Variants in SLC26A5 observed in about 807,000 individuals in gnomAD.
SLC26A5 encodes the protein solute carrier family 26 member 5, also known as prestin.
A neutral mutation model predicts 81.0 loss-of-function variants in SLC26A5; 51 were observed. The ratio of observed to expected loss-of-function variants is 0.63; its 90% confidence interval spans 0.50 to 0.80. The LOEUF (loss-of-function observed/expected upper bound fraction) is 0.80. Ranked by LOEUF, SLC26A5 falls within the 30% of genes least tolerant of loss-of-function variation. The pLI, the probability that SLC26A5 is intolerant of heterozygous loss-of-function variation, is 0.00. For synonymous variants in SLC26A5, 325 were observed against 332.8 expected (o/e 0.98, Z 0.25); for missense variants, 771 against 905.8 (o/e 0.85, Z 1.91).
downstream of SLC26A5, chr7:103,369,465 T>G (rs1820901049): frequency 1.3e-5 from 2 of 152,344 alleles, no homozygotes; most frequent in African/African-American, 4.8e-5. Flanking sequence ...TCGAATTAGA[T>G]AATGTTGAGC....
At chr7:103,432,821 T>C (rs1826178315) in intron 2 of SLC26A5, among the ~76,000 whole-genome samples, 1 of 152,158 alleles carries the variant, frequency 6.6e-6, no homozygotes, top group Non-Finnish European at 1.5e-5. Context: ...TCGTGATGTG[T>C]TTTTAGACAC....
In SLC26A5 at chr7:103,390,522, C is replaced by T. The variant is rs753839105; in HGVS notation, c.1234-16G>A. On this transcript the variant is annotated splice_polypyrimidine_tract_variant and intron_variant, in intron 11 of 19. Transcript: ENST00000306312. ...AACCTGCAAGCTGAATGAGAGAAGACACATGGAAGGGGCTTTTAGGAGACT... is the reference window on the plus strand; with the variant it reads ...AACCTGCAAGCTGAATGAGAGAAGATACATGGAAGGGGCTTTTAGGAGACT... The T allele has an allele frequency of 6.2e-7, 1 of 1,611,314 alleles. No individual in the cohort carries two copies. The highest frequency in any genetic ancestry group is 1.3e-5 in the African/African-American group (1 of 74,948).
intron 14 of SLC26A5, among the ~76,000 whole-genome samples, 173 bp from the exon 15 acceptor site, chr7:103,380,722 C>T (rs1477410639): frequency 1.3e-5 from 2 of 151,722 alleles, no homozygotes; most frequent in African/African-American, 4.8e-5. Flanking sequence ...CAGTGCCATT[C>T]CAAGCCTAAT....
intron 8 of SLC26A5, 50 bp from the exon 9 acceptor site, chr7:103,398,064 CT>C (rs1293987983): frequency 3.7e-6 from 5 of 1,363,902 alleles, no homozygotes; most frequent in Non-Finnish European, 5.2e-6. Context: ...TGTTCAAATA[CT>C]GCAAAAATCA....
chr7:103,369,690 A>G (rs1416507219), downstream of SLC26A5, among the ~76,000 whole-genome samples: 2 of 152,168 alleles, frequency 1.3e-5, no homozygotes, highest in Admixed American at 6.5e-5. Context: ...TCCTCCACCT[A>G]AAATAGATGT....
intron 19 of SLC26A5, chr7:103,361,812 A>G (rs900692817): frequency 1.4e-6 from 1 of 714,938 alleles, no homozygotes. Flanking sequence ...GGAGTTGGGT[A>G]TAGAAAAGGA....
At position 103,389,032 on chromosome 7, in the gene SLC26A5, A is replaced by G; in HGVS notation, c.1490T>C (p.Leu497Pro). ...CCTCTGTGTTCTGTAAATCACAGTC[A>G]GCAGAGCAATGATCACAGCAGTGAT... ...GLITAVIIAL[L>P]TVIYRTQSPS... The change falls in exon 14 of 20, where the codon CTG (leucine) becomes CCG (proline). Residue 497 changes from leucine (L) to proline (P), a missense_variant. Leu to Pro is a moderately conservative substitution (Grantham distance 98). Transcript: ENST00000306312. The G allele has an allele frequency of 6.2e-7, 1 of 1,613,228 alleles. No homozygotes were observed. Among genetic ancestry groups the G allele is most frequent in the Non-Finnish European group, 8.5e-7 (1 of 1,179,326 alleles).
chr7:103,410,336 G>T (rs939717530), intron 7 of SLC26A5, 49 bp downstream of exon 7: 1 of 1,475,930 alleles, frequency 6.8e-7, no homozygotes, highest in Non-Finnish European at 9.5e-7. Context: ...GAGAAGGTTG[G>T]GGGGAATAAA....
chr7:103,422,588 A>C (rs146935720), intron 2 of SLC26A5, among the ~76,000 whole-genome samples: 1 of 152,206 alleles, frequency 6.6e-6, no homozygotes, highest in African/African-American at 2.4e-5. Context: ...AGAGAGGGAA[A>C]TGAGACTAAG....
chr7:103,377,939 T>G (rs983894833), intron 17 of SLC26A5, 140 bp from the exon 18 acceptor site: 16 of 795,268 alleles, frequency 2.0e-5, no homozygotes, highest in Non-Finnish European at 2.3e-5. Context: ...ATTTGTCATA[T>G]TCTAGCCTTG....
At chr7:103,366,240 A>C in intron 19 of SLC26A5, 3 of 1,292,578 alleles carry the variant, frequency 2.3e-6, no homozygotes, top group Non-Finnish European at 3.3e-6. Context: ...GTGATATGTT[A>C]ATCTTGTACA....
intron 2 of SLC26A5, among the ~76,000 whole-genome samples, chr7:103,432,247 T>C (rs1195784971): frequency 1.3e-5 from 2 of 152,222 alleles, no homozygotes; most frequent in African/African-American, 4.8e-5. Flanking sequence ...CCTTACTCAC[T>C]TCTATTTTTG....
intron 14 of SLC26A5, among the ~76,000 whole-genome samples, chr7:103,382,818 C>A (rs143797712): frequency 2.0e-5 from 3 of 152,084 alleles, no homozygotes; most frequent in Non-Finnish European, 2.9e-5. Flanking sequence ...CCTGCCATCA[C>A]GTAGATGAGA....
chr7:103,414,920 A>G (rs1360605671), intron 4 of SLC26A5, among the ~76,000 whole-genome samples: 1 of 152,164 alleles, frequency 6.6e-6, no homozygotes, highest in Non-Finnish European at 1.5e-5. Flanking sequence ...TCTCCCTGGA[A>G]AATTCTCATT....
intron 19 of SLC26A5, chr7:103,355,800 A>C (rs777282950): frequency 6.3e-7 from 1 of 1,598,726 alleles, no homozygotes. Flanking sequence ...CCAGGTATGC[A>C]CGGGTGCTCT....
Position 103,415,532 on chromosome 7 carries a change from C to T in SLC26A5, c.293-2420G>A, listed in dbSNP as rs558087344. ...TTACTGGCATCTAGTGGGTGAAGGC[C>T]AGGGGTGCTGCTAAGTGCCCTTCAC... On this transcript the variant is annotated intron_variant, in intron 4 of 19. Transcript: ENST00000306312. Among the ~76,000 whole-genome samples, 3 of 152,268 alleles carry T rather than the reference C, an allele frequency of 2.0e-5. No individual in the cohort carries two copies. The East Asian group carries it at 5.8e-4, about 29-fold the overall frequency.
intron 19 of SLC26A5, chr7:103,354,049 T>C: frequency 9.8e-7 from 1 of 1,017,148 alleles, no homozygotes; most frequent in South Asian, 1.7e-5. Context: ...TTAGAAGAAG[T>C]TAAGAAACCA....
chr7:103,381,318 T>C (rs377220702), intron 14 of SLC26A5, among the ~76,000 whole-genome samples: 61 of 150,286 alleles, frequency 4.1e-4, no homozygotes, highest in African/African-American at 1.4e-3. Context: ...ATAATGCATG[T>C]ACACCACACA....
chr7:103,435,546 C>G (rs1180515904), intron 2 of SLC26A5, among the ~76,000 whole-genome samples: 1 of 152,112 alleles, frequency 6.6e-6, no homozygotes, highest in African/African-American at 2.4e-5. Context: ...GGTGAAGAGG[C>G]AAGAGCTAGC....
Sources: gnomAD v4.1 joint callset for allele counts (sites outside exome capture counted in the v4.1 genomes callset) on GRCh38, gnomAD v4.1.1 for gene constraint, MANE v1.5 for transcripts, NCBI Gene and HGNC (gene_info 2026-07-23, HGNC 2026-07-21) for gene names.